LNX1: variants seen among roughly 807,000 people sequenced by gnomAD.
LNX1 encodes E3 ubiquitin-protein ligase LNX.
A neutral mutation model predicts 68.4 loss-of-function variants in LNX1; 54 were observed. The ratio of observed to expected loss-of-function variants is 0.79; its 90% confidence interval spans 0.63 to 0.99. LNX1 has a LOEUF of 0.99. Among genes scored for constraint, LNX1 ranks in the 50% least tolerant of loss-of-function variants. The pLI is 0.00. For missense variants in LNX1, 906 were observed against 926.4 expected (o/e 0.98, Z 0.29); for synonymous variants, 336 against 350.0 (o/e 0.96, Z 0.45).
In LNX1 at chr4:53,535,877, C is replaced by A. The variant is rs115324897; in HGVS notation, c.381-27650G>T. Among the ~76,000 whole-genome samples the A allele has an allele frequency of 1.6e-3, 237 of 152,238 alleles. 1 individual carries two copies. Among genetic ancestry groups the A allele is most frequent in the African/African-American group, 4.5e-3 (188 of 41,546 alleles). ...AACTGTATGTCTACATTTGATATGA[C>A]CCCTGATAACTGTTGACAAAAGCAC... On this transcript the variant is annotated intron_variant, in intron 2 of 10. Transcript: ENST00000263925.
chr4:53,524,270 G>C (rs1727456949), intron 2 of LNX1: 1 of 152,180 alleles, frequency 6.6e-6, no homozygotes, highest in Admixed American at 6.5e-5. Flanking sequence ...AAGAGCTAGT[G>C]ATGAAGAATG....
chr4:53,525,202 A>G (rs755932020), intron 2 of LNX1, among the ~76,000 whole-genome samples: 2 of 152,182 alleles, frequency 1.3e-5, no homozygotes, highest in Non-Finnish European at 2.9e-5. Context: ...AGCTCTGGCC[A>G]GGCTGGGAGC....
At chr4:53,574,115 T>G in intron 1 of LNX1, 27 bp from the exon 2 acceptor site, 1 of 1,435,378 alleles carries the variant, frequency 7.0e-7, no homozygotes, top group African/African-American at 1.4e-5. Context: ...AGGCTCACCT[T>G]TGCTTCCCAG....
At chr4:53,590,848 G>A (rs1732465354) in intron 1 of LNX1, among the ~76,000 whole-genome samples, 2 of 152,108 alleles carry the variant, frequency 1.3e-5, no homozygotes, top group Non-Finnish European at 2.9e-5. Context: ...TCAGAGAAGA[G>A]AGGAAAACTG....
intron 9 of LNX1, among the ~76,000 whole-genome samples, chr4:53,469,087 G>A (rs1468113248): frequency 6.6e-6 from 1 of 152,130 alleles, no homozygotes; most frequent in Non-Finnish European, 1.5e-5. Flanking sequence ...CACATAGTTG[G>A]AAGTAAAGCA....
At position 53,460,756 on chromosome 4, in the gene LNX1, T is replaced by C. The variant is rs1721872195; in HGVS notation, c.*151A>G. The stretch of plus-strand genomic sequence containing the variant: ...TTTTTTGGAATCATATTTTCTGAGG[T>C]GTAACTGGCTTTCATTAGATGATCA... On this transcript the variant is annotated 3_prime_UTR_variant, in exon 11 of 11. Transcript: ENST00000263925. 1.3e-6 allele frequency: 1 copy of C among 742,642 alleles called. No individual in the cohort carries two copies. The highest frequency in any genetic ancestry group is 2.0e-5 in the South Asian group (1 of 49,620). 46.0% of individuals were successfully genotyped at this position (742,642 alleles called of 1,614,324 possible).
intron 2 of LNX1, among the ~76,000 whole-genome samples, chr4:53,540,589 G>A (rs1308231823): frequency 1.3e-5 from 2 of 151,400 alleles, no homozygotes; most frequent in African/African-American, 2.4e-5. Flanking sequence ...GGCTGAGACA[G>A]AAGAATTGCT....
At position 53,641,847 on chromosome 4, in the gene LNX1, G is replaced by T. The variant is rs147311226; in HGVS notation, c.-215+10321C>A. ...ATTTCAGGATTTATTCATATTGTAG[G>T]TATCAACAGTTCATTCCTTTTTTTC... On this transcript the variant is annotated intron_variant, in intron 1 of 2. Transcript: ENST00000507168. Among the ~76,000 whole-genome samples the T allele has an allele frequency of 3.0e-3, 457 of 152,254 alleles. 4 individuals are homozygous for T. Among genetic ancestry groups the T allele is most frequent in the Non-Finnish European group, 4.3e-3 (295 of 68,024 alleles).
At chr4:53,606,591 G>C (rs1039776578) in intron 2 of LNX1, among the ~76,000 whole-genome samples, 2 of 152,056 alleles carry the variant, frequency 1.3e-5, no homozygotes, top group African/African-American at 4.8e-5. Context: ...TTAAAGGAGG[G>C]ACTCCCTAAC....
At chr4:53,552,443 C>T (rs1432133871) in intron 2 of LNX1, among the ~76,000 whole-genome samples, 1 of 152,218 alleles carries the variant, frequency 6.6e-6, no homozygotes. Context: ...GTAACTAGCT[C>T]ATGAGGGTTT....
intron 4 of LNX1, among the ~76,000 whole-genome samples, chr4:53,505,958 G>A (rs945436482): frequency 2.0e-5 from 3 of 152,178 alleles, no homozygotes; most frequent in African/African-American, 7.2e-5. Flanking sequence ...AATAAGCTGA[G>A]AGCTGTTAGA....
intron 2 of LNX1, among the ~76,000 whole-genome samples, chr4:53,555,689 G>A (rs573194066): frequency 6.6e-6 from 1 of 152,276 alleles, no homozygotes; most frequent in East Asian, 1.9e-4. Flanking sequence ...TCGGGGAACA[G>A]CTGCACAGAA....
chr4:53,609,828 A>C (rs1423571973), intron 2 of LNX1, among the ~76,000 whole-genome samples: 1 of 147,142 alleles, frequency 6.8e-6, no homozygotes, highest in African/African-American at 2.5e-5. Flanking sequence ...TAAAATTTCT[A>C]CATAATGCTA....
intron 9 of LNX1, among the ~76,000 whole-genome samples, chr4:53,469,798 C>T (rs925448377): frequency 9.9e-5 from 15 of 152,012 alleles, no homozygotes; most frequent in African/African-American, 3.4e-4. Context: ...CAGGAAGAAG[C>T]TGAATCTCTG....
chr4:53,547,045 C>T (rs536165949), intron 2 of LNX1, among the ~76,000 whole-genome samples: 4 of 152,276 alleles, frequency 2.6e-5, no homozygotes, highest in Admixed American at 6.5e-5. Flanking sequence ...ACAGCAACTC[C>T]AGTTTCTTGA....
chr4:53,606,300 A>G (rs553776768), intron 2 of LNX1, among the ~76,000 whole-genome samples: 26 of 152,302 alleles, frequency 1.7e-4, no homozygotes, highest in African/African-American at 5.5e-4. Flanking sequence ...AATTATTATG[A>G]ACACCTCTAT....
At chr4:53,576,347 C>A (rs1731490119) in intron 1 of LNX1, 1 of 1,606,084 alleles carries the variant, frequency 6.2e-7, no homozygotes, top group Non-Finnish European at 8.5e-7. Context: ...AAGGAGATGG[C>A]AGATCTGGAG....
chr4:53,515,202 T>C (rs1453675926), intron 2 of LNX1, among the ~76,000 whole-genome samples: 2 of 152,218 alleles, frequency 1.3e-5, no homozygotes, highest in East Asian at 1.9e-4. Context: ...TGTTGGCTCA[T>C]GGAGTCCCAC....
intron 2 of LNX1, among the ~76,000 whole-genome samples, chr4:53,556,834 A>G (rs1729946949): frequency 6.6e-6 from 1 of 152,196 alleles, no homozygotes; most frequent in South Asian, 2.1e-4. Flanking sequence ...ACCACTACAT[A>G]GTCATGGGTG....
Sources: gnomAD v4.1 joint callset for allele counts (sites outside exome capture counted in the v4.1 genomes callset) on GRCh38, gnomAD v4.1.1 for gene constraint, MANE v1.5 for transcripts, NCBI Gene and HGNC (gene_info 2026-07-23, HGNC 2026-07-21) for gene names.